KCTD1: variants seen among roughly 807,000 people sequenced by gnomAD.
KCTD1 encodes BTB/POZ domain-containing protein KCTD1.
A neutral mutation model predicts 66.0 loss-of-function variants in KCTD1; 24 were observed. That is an observed-to-expected ratio of 0.36 (90% confidence interval 0.26 to 0.51). The LOEUF is 0.51. Ranked by LOEUF, KCTD1 falls within the 20% of genes least tolerant of loss-of-function variation. The probability of loss-of-function intolerance (pLI) is 0.95; values close to 1 mark genes in which losing one functional copy is unlikely to be tolerated. For missense variants in KCTD1, 943 were observed against 1,205.2 expected (o/e 0.78, Z 3.22); for synonymous variants, 511 against 517.2 (o/e 0.99, Z 0.16).
At chr18:26,626,427 T>A (rs562506284) in intron 1 of KCTD1, among the ~76,000 whole-genome samples, 2 of 150,304 alleles carry the variant, frequency 1.3e-5, no homozygotes, top group East Asian at 3.9e-4. Context: ...GAGGGATGGC[T>A]ACTTTAGATC....
At chr18:26,584,471 A>G (rs1224807092) in intron 1 of KCTD1, among the ~76,000 whole-genome samples, 1 of 152,210 alleles carries the variant, frequency 6.6e-6, no homozygotes, top group African/African-American at 2.4e-5. Flanking sequence ...AAATCTACAT[A>G]TGTAATTTGC....
chr18:26,652,830 C>A (rs1216872649), intron 1 of KCTD1, among the ~76,000 whole-genome samples: 1 of 152,164 alleles, frequency 6.6e-6, no homozygotes, highest in Non-Finnish European at 1.5e-5. Context: ...CTTAATCTGG[C>A]TATTAGAAAT....
chr18:26,560,331 C>T (rs1310037199), intron 1 of KCTD1, among the ~76,000 whole-genome samples: 1 of 152,150 alleles, frequency 6.6e-6, no homozygotes, highest in African/African-American at 2.4e-5. Context: ...GTGTGAGCCC[C>T]CCAAGAGCCC....
chr18:26,641,323 T>G (rs1987830628), upstream of KCTD1, among the ~76,000 whole-genome samples: 1 of 152,214 alleles, frequency 6.6e-6, no homozygotes, highest in East Asian at 1.9e-4. Flanking sequence ...ATTGGTTGCT[T>G]GTAACCCACA....
At chr18:26,461,592 C>A (rs1198198249) in intron 3 of KCTD1, among the ~76,000 whole-genome samples, 1 of 152,182 alleles carries the variant, frequency 6.6e-6, no homozygotes, top group Non-Finnish European at 1.5e-5. Flanking sequence ...AGTGGGGAAG[C>A]CTCTGCAGGT....
In KCTD1 at chr18:26,607,737, C is replaced by T. The variant is rs1987049366; in HGVS notation, c.-16+21410G>A. Among the ~76,000 whole-genome samples the T allele has an allele frequency of 2.6e-5, 4 of 152,108 alleles. No individual in the cohort carries two copies. In the South Asian group the frequency reaches 8.3e-4, roughly 32 times the overall value. ...TTTCCCGTATTGAACAGTCATGTTA[C>T]TCCTTGAAGTTTTTGAATTCTTTTA... is the stretch of plus-strand genomic sequence containing the variant. On this transcript the variant is annotated intron_variant, in intron 1 of 4. Transcript: ENST00000317932.
intron 1 of KCTD1, among the ~76,000 whole-genome samples, chr18:26,655,384 C>A (rs1197956317): frequency 6.6e-6 from 1 of 152,034 alleles, no homozygotes; most frequent in African/African-American, 2.4e-5. Context: ...AGAAGGCAAA[C>A]GTTTCTTAAA....
In KCTD1 at chr18:26,546,944, C is replaced by T. The variant is rs1164836116; in HGVS notation, c.1593G>A (p.Ala531=). The change falls in exon 1 of 5, where the codon GCG becomes GCA. Residue 531 remains alanine (A), a synonymous_variant. Coordinates refer to ENST00000580059, the MANE Select transcript of KCTD1 (RefSeq NM_001142730.3). Reference sequence around the variant, plus strand: ...CAGACTCGTACAGGGCGCGCTTGGGCGCAGCCTCGGATTTCACGTCGGGCC... The same window carrying T: ...CAGACTCGTACAGGGCGCGCTTGGGTGCAGCCTCGGATTTCACGTCGGGCC... ...QVGPDVKSEA[A]PKRALYESVF... The T allele has an allele frequency of 1.4e-6, 2 of 1,474,208 alleles. No homozygotes were observed. Among genetic ancestry groups the T allele is most frequent in the Admixed American group, 2.5e-5 (1 of 40,274 alleles). The allele number at this position is 1,474,208 out of a possible 1,614,324, so 91.3% of individuals were successfully genotyped here. A position where few individuals can be genotyped will look rare whatever the true frequency, so the allele number is the denominator to read the frequency against.
chr18:26,634,437 A>G (rs1987680899), intron 1 of KCTD1, among the ~76,000 whole-genome samples: 1 of 152,182 alleles, frequency 6.6e-6, no homozygotes, highest in Non-Finnish European at 1.5e-5. Flanking sequence ...TGTGGTCTGT[A>G]CCTCATTATA....
At chr18:26,619,063 T>C (rs888787106) in intron 1 of KCTD1, among the ~76,000 whole-genome samples, 1 of 152,234 alleles carries the variant, frequency 6.6e-6, no homozygotes, top group Non-Finnish European at 1.5e-5. Context: ...ATTAGCATGA[T>C]TGGTACTATC....
At chr18:26,586,054 A>T (rs568514830) in intron 1 of KCTD1, among the ~76,000 whole-genome samples, 1 of 152,256 alleles carries the variant, frequency 6.6e-6, no homozygotes, top group Non-Finnish European at 1.5e-5. Context: ...AAAACAAAAC[A>T]AGCAGTCTCT....
chr18:26,480,715 C>T (rs1981599179), intron 2 of KCTD1, among the ~76,000 whole-genome samples: 1 of 151,994 alleles, frequency 6.6e-6, no homozygotes, highest in Admixed American at 6.5e-5. Context: ...TGTAGTGAGC[C>T]AAGATCATGT....
At chr18:26,616,959 A>G (rs1474914300) in intron 1 of KCTD1, among the ~76,000 whole-genome samples, 1 of 152,208 alleles carries the variant, frequency 6.6e-6, no homozygotes, top group Non-Finnish European at 1.5e-5. Context: ...TATAAATTCA[A>G]TTGTTTTGTA....
intron 1 of KCTD1, chr18:26,566,807 A>G (rs891036238): frequency 2.8e-5 from 4 of 141,682 alleles, no homozygotes; most frequent in Non-Finnish European, 4.5e-5. Flanking sequence ...ACAGTCCCCA[A>G]GCTCTACTTT....
Position 26,480,040 on chromosome 18 carries a change from ATT to A in KCTD1, c.1989-3383_1989-3382del, listed in dbSNP as rs199551482. Among the ~76,000 whole-genome samples the A allele has an allele frequency of 2.0e-3, 283 of 139,810 alleles. 2 individuals are homozygous for A. The highest frequency in any genetic ancestry group is 0.011 in the Middle Eastern group (3 of 266). 91.7% of individuals were successfully genotyped at this position (139,810 alleles called of 152,430 possible). On this transcript the variant is annotated intron_variant, in intron 2 of 4. Transcript: ENST00000580059. Reference sequence around the variant, plus strand: ...CAGACGATGTATGGCTGGTTTTGGAATTTTTTTTTTTTTTTTTTTTTCACTCA... The same window carrying A: ...CAGACGATGTATGGCTGGTTTTGGAATTTTTTTTTTTTTTTTTTTCACTCA...
At chr18:26,584,711 C>T (rs1189842583) in intron 1 of KCTD1, among the ~76,000 whole-genome samples, 1 of 152,004 alleles carries the variant, frequency 6.6e-6, no homozygotes, top group Non-Finnish European at 1.5e-5. Context: ...TTTTGAGTAC[C>T]TAGGAGGGGG....
At chr18:26,569,191 A>G (rs1986048720) in intron 1 of KCTD1, among the ~76,000 whole-genome samples, 1 of 152,204 alleles carries the variant, frequency 6.6e-6, no homozygotes, top group Non-Finnish European at 1.5e-5. Flanking sequence ...TTATTATTCT[A>G]CACTTGACAG....
intron 1 of KCTD1, among the ~76,000 whole-genome samples, chr18:26,514,166 G>A (rs1567975663): frequency 6.6e-6 from 1 of 152,162 alleles, no homozygotes; most frequent in Non-Finnish European, 1.5e-5. Context: ...ATAAAGTGAT[G>A]CTTTTAAAAA....
chr18:26,530,489 A>T (rs767885907), intron 1 of KCTD1, among the ~76,000 whole-genome samples: 1 of 152,202 alleles, frequency 6.6e-6, no homozygotes, highest in African/African-American at 2.4e-5. Context: ...GGGCAAGTCC[A>T]TCTTGGTCCT....
Sources: allele counts gnomAD v4.1 joint callset (sites outside exome capture counted in the v4.1 genomes callset), GRCh38; gene constraint gnomAD v4.1.1; transcripts MANE v1.5; gene names NCBI Gene and HGNC (gene_info 2026-07-23, HGNC 2026-07-21).